Variants in ULK4 observed in about 807,000 individuals in gnomAD.
The protein encoded by ULK4 is unc-51 like kinase 4, also known as inactive serine/threonine-protein kinase ULK4.
In ULK4, 133 loss-of-function variants were observed where a neutral mutation model predicts 160.6. The ratio of observed to expected loss-of-function variants is 0.83; its 90% CI spans 0.72 to 0.96. The LOEUF (loss-of-function observed/expected upper bound fraction) is 0.96, where lower values mean the gene tolerates loss of function less well. Among genes scored for constraint, ULK4 ranks in the 40% least tolerant of loss-of-function variants. ULK4 has a pLI of 0.00. For synonymous variants in ULK4, 534 were observed against 539.8 expected, an observed-to-expected ratio of 0.99 and a Z score of 0.15; for missense variants, 1,580 against 1,499.5, an observed-to-expected ratio of 1.05 and a Z score of -0.89.
chr3:41,931,471 A>AAAT (rs773014006), intron 5 of ULK4, among the ~76,000 whole-genome samples: 254 of 4,324 alleles, frequency 0.059, 4 homozygotes, highest in South Asian at 0.15. Flanking sequence ...CCTAGAACTT[A>AAAT]AAAAAAAAAA....
chr3:41,806,712 A>G (rs1020174239), intron 19 of ULK4, among the ~76,000 whole-genome samples: 2 of 152,184 alleles, frequency 1.3e-5, no homozygotes, highest in Non-Finnish European at 1.5e-5. Context: ...TTCAAAGAAC[A>G]TCTTTATTTT....
At chr3:41,635,557 T>C (rs554923174) in intron 30 of ULK4, among the ~76,000 whole-genome samples, 3 of 152,312 alleles carry the variant, frequency 2.0e-5, no homozygotes, top group African/African-American at 7.2e-5. Flanking sequence ...TTACTTGTCT[T>C]TTTTCTACTT....
intron 17 of ULK4, among the ~76,000 whole-genome samples, chr3:41,857,258 TCTC>T (rs1431286489): frequency 3.3e-5 from 5 of 152,192 alleles, no homozygotes; most frequent in Admixed American, 6.6e-5. Context: ...ACACTTCATA[TCTC>T]CTCCTCTACT....
At chr3:41,643,524 G>C (rs1245828898) in intron 30 of ULK4, among the ~76,000 whole-genome samples, 1 of 152,130 alleles carries the variant, frequency 6.6e-6, no homozygotes, top group Admixed American at 6.6e-5. Context: ...TTATTTCTGA[G>C]GGCTCTGTTC....
At chr3:41,906,766 G>A (rs780249498) in intron 12 of ULK4, among the ~76,000 whole-genome samples, 11 of 152,240 alleles carry the variant, frequency 7.2e-5, no homozygotes, top group South Asian at 2.1e-4. Flanking sequence ...AGGCCGAGGC[G>A]GGCAGATCAT....
At chr3:41,573,538 A>C (rs907739774) in intron 31 of ULK4, among the ~76,000 whole-genome samples, 1 of 152,224 alleles carries the variant, frequency 6.6e-6, no homozygotes, top group African/African-American at 2.4e-5. Context: ...CCTTTGGTTC[A>C]GGCCAGAATT....
chr3:41,643,550 T>C (rs1017264919), intron 30 of ULK4, among the ~76,000 whole-genome samples: 3 of 152,248 alleles, frequency 2.0e-5, no homozygotes, highest in Non-Finnish European at 2.9e-5. Flanking sequence ...CATTGATCTA[T>C]ATCTCTGTTT....
intron 35 of ULK4, among the ~76,000 whole-genome samples, chr3:41,254,610 G>A (rs868800802): frequency 4.6e-5 from 7 of 152,106 alleles, no homozygotes; most frequent in East Asian, 3.9e-4. Context: ...GGCCGGGCGC[G>A]GTGGCTCACA....
intron 12 of ULK4, among the ~76,000 whole-genome samples, chr3:41,901,479 C>CTGTTTTTTTTTTTTTTTTTTTTTTTT (rs1698359005): frequency 4.4e-5 from 1 of 22,526 alleles, no homozygotes. Context: ...CACGCCCAGC[C>CTGTTTTTTTTTTTTTTTTTTTTTTTT]TTTTTTTTTT....
intron 35 of ULK4, among the ~76,000 whole-genome samples, chr3:41,391,959 C>T (rs1404975966): frequency 6.6e-6 from 1 of 152,058 alleles, no homozygotes; most frequent in African/African-American, 2.4e-5. Context: ...CTTCCATGGA[C>T]TATTTTTCTG....
At position 41,307,660 on chromosome 3, in the gene ULK4, C is replaced by T. The variant is rs76864253; in HGVS notation, c.3679-58086G>A. ...TGAGCAATACAGTGAGACCCCATCT[C>T]TACAAATATATTTTAAAAATTCAGC... On this transcript the variant is annotated intron_variant, in intron 35 of 36. Transcript: ENST00000301831. Among the ~76,000 whole-genome samples the T allele has an allele frequency of 8.5e-3, 1,294 of 152,160 alleles. 6 individuals are homozygous for T. The highest frequency in any genetic ancestry group is 0.014 in the Non-Finnish European group (973 of 68,020).
In ULK4 at chr3:41,830,356, A is replaced by T. The variant is rs115096722; in HGVS notation, c.1764+5508T>A. Among the ~76,000 whole-genome samples, 1,193 of 152,146 alleles carry T rather than the reference A, an allele frequency of 7.8e-3. 12 individuals carry two copies. Among genetic ancestry groups the T allele is most frequent in the African/African-American group, 0.028 (1,147 of 41,498 alleles). On this transcript the variant is annotated intron_variant, in intron 18 of 36. Coordinates refer to ENST00000301831, the MANE Select transcript of ULK4 (RefSeq NM_017886.4). Reference sequence around the variant, plus strand: ...TATATCTACTTTTAGATCTAGTAGGAACATGATTCTGTATGATTCTATCTG... The same window carrying T: ...TATATCTACTTTTAGATCTAGTAGGTACATGATTCTGTATGATTCTATCTG...
At chr3:41,552,258 C>G (rs2087098162) in intron 32 of ULK4, among the ~76,000 whole-genome samples, 1 of 151,862 alleles carries the variant, frequency 6.6e-6, no homozygotes, top group South Asian at 2.1e-4. Flanking sequence ...AAATCCTAGC[C>G]AGAGCAATCA....
chr3:41,752,239 T>C (rs776691614), intron 22 of ULK4, among the ~76,000 whole-genome samples: 2 of 152,230 alleles, frequency 1.3e-5, no homozygotes, highest in African/African-American at 2.4e-5. Flanking sequence ...CCTAACTCTA[T>C]ATGGTAGAAC....
At chr3:41,458,258 T>C (rs2083600312) in intron 33 of ULK4, among the ~76,000 whole-genome samples, 1 of 152,210 alleles carries the variant, frequency 6.6e-6, no homozygotes, top group Non-Finnish European at 1.5e-5. Context: ...GTGACATTCC[T>C]TTGGAACTTG....
At chr3:41,856,545 A>G (rs2042349459) in intron 17 of ULK4, among the ~76,000 whole-genome samples, 67 of 78,518 alleles carry the variant, frequency 8.5e-4, no homozygotes, top group East Asian at 1.4e-3. Context: ...ATGTATATAT[A>G]TATGTGTATA....
At chr3:41,706,849 ATGTGTGTGTG>A (rs749756575) in intron 25 of ULK4, among the ~76,000 whole-genome samples, 68 of 102,380 alleles carry the variant, frequency 6.6e-4, no homozygotes, top group Non-Finnish European at 8.3e-4. Context: ...AAAAAAAAAT[ATGTGTGTGTG>A]TGTGTGTGTG....
chr3:41,946,888 C>T (rs1026469371), intron 2 of ULK4, among the ~76,000 whole-genome samples: 2 of 152,188 alleles, frequency 1.3e-5, no homozygotes, highest in African/African-American at 4.8e-5. Flanking sequence ...AGTGGCCCTA[C>T]TGTGGTCTTT....
At chr3:41,822,249 T>C (rs910348043) in intron 18 of ULK4, among the ~76,000 whole-genome samples, 1 of 152,158 alleles carries the variant, frequency 6.6e-6, no homozygotes, top group Non-Finnish European at 1.5e-5. Flanking sequence ...CCTGTCCCAC[T>C]GGCCTTGGTG....
Sources: allele counts gnomAD v4.1 joint callset (sites outside exome capture counted in the v4.1 genomes callset), GRCh38; gene constraint gnomAD v4.1.1; transcripts MANE v1.5; gene names NCBI Gene and HGNC (gene_info 2026-07-23, HGNC 2026-07-21).